Variants in SLC14A2 observed in about 807,000 individuals in gnomAD.
SLC14A2 encodes solute carrier family 14 member 2.
Under a neutral mutation model 104.6 loss-of-function variants are expected in SLC14A2, and 91 were observed. The observed-to-expected ratio is 0.87, with a 90% CI of 0.73 to 1.04. The LOEUF is 1.04. SLC14A2 is among the 50% of genes least tolerant of loss of function. The pLI is 0.00. For missense variants in SLC14A2, 1,189 were observed against 1,156.0 expected, an observed-to-expected ratio of 1.03 and a Z score of -0.41; for synonymous variants, 476 against 466.4, an observed-to-expected ratio of 1.02 and a Z score of -0.27.
At chr18:45,236,568 T>C (rs1481751122) in intron 1 of SLC14A2, among the ~76,000 whole-genome samples, 1 of 129,822 alleles carries the variant, frequency 7.7e-6, no homozygotes, top group Non-Finnish European at 1.6e-5. Context: ...TGTGTATATA[T>C]GTATATATAC....
At chr18:45,246,203 G>T (rs1019991219) in intron 1 of SLC14A2, among the ~76,000 whole-genome samples, 1 of 152,120 alleles carries the variant, frequency 6.6e-6, no homozygotes. Flanking sequence ...GAAAGGCCAC[G>T]TGAGAACACA....
chr18:45,402,796 G>C (rs145563313), intron 1 of SLC14A2, among the ~76,000 whole-genome samples: 1 of 152,318 alleles, frequency 6.6e-6, no homozygotes, highest in African/African-American at 2.4e-5. Flanking sequence ...GATGAATCTA[G>C]AATAGTGAAG....
At chr18:45,666,296 T>C in intron 12 of SLC14A2, 77 bp downstream of exon 12, 1 of 980,496 alleles carries the variant, frequency 1.0e-6, no homozygotes, top group Non-Finnish European at 1.6e-6. Context: ...AGCTGAGAGC[T>C]GTAAACAAGG....
chr18:45,595,389 A>G (rs942351086), intron 2 of SLC14A2, among the ~76,000 whole-genome samples: 4 of 150,792 alleles, frequency 2.7e-5, no homozygotes, highest in African/African-American at 4.9e-5. Context: ...CATGATTTGT[A>G]TTCCCCATTT....
At chr18:45,623,482 C>T (rs922757116) in intron 1 of SLC14A2, among the ~76,000 whole-genome samples, 2 of 152,114 alleles carry the variant, frequency 1.3e-5, no homozygotes, top group East Asian at 1.9e-4. Flanking sequence ...GATGGTATGG[C>T]CATTTGAGAT....
At chr18:45,192,636 G>GTGGTTTTGTTTTGTTTT in the SLC14A2 span, among the ~76,000 whole-genome samples, 3 of 112,752 alleles carry the variant, frequency 2.7e-5, 1 homozygote, top group South Asian at 7.6e-4. Flanking sequence ...GTGTGTGTGT[G>GTGGTTTTGTTTTGTTTT]GTTTTTTTTT....
chr18:45,375,952 C>T (rs2085770013), intron 1 of SLC14A2, among the ~76,000 whole-genome samples: 1 of 152,202 alleles, frequency 6.6e-6, no homozygotes, highest in African/African-American at 2.4e-5. Flanking sequence ...CTGGCCAGGA[C>T]AAGCTGGGAA....
intron 1 of SLC14A2, among the ~76,000 whole-genome samples, chr18:45,426,246 A>C (rs1346316867): frequency 2.0e-5 from 3 of 152,144 alleles, no homozygotes; most frequent in African/African-American, 7.2e-5. Context: ...TACCCGAGTC[A>C]AACTTTCTGT....
At chr18:45,523,954 TAAGA>T (rs749104863) in intron 2 of SLC14A2, among the ~76,000 whole-genome samples, 7 of 152,184 alleles carry the variant, frequency 4.6e-5, no homozygotes, top group Admixed American at 1.3e-4. Context: ...GCAGAAAAAT[TAAGA>T]AAGTTGCCCC....
intron 1 of SLC14A2, among the ~76,000 whole-genome samples, chr18:45,390,895 GAC>G (rs907507075): frequency 1.3e-5 from 2 of 152,248 alleles, no homozygotes; most frequent in African/African-American, 4.8e-5. Flanking sequence ...TTTTAATACA[GAC>G]ACATCATTTT....
chr18:45,613,479 T>C (rs2045006981), upstream of SLC14A2, among the ~76,000 whole-genome samples: 1 of 152,100 alleles, frequency 6.6e-6, no homozygotes, highest in Non-Finnish European at 1.5e-5. Context: ...GGAAGATAGA[T>C]AGAAAGATGT....
chr18:45,632,223 C>A (rs926190075), intron 4 of SLC14A2, 127 bp from the exon 5 acceptor site: 3 of 1,209,396 alleles, frequency 2.5e-6, no homozygotes, highest in Admixed American at 5.1e-5. Context: ...ATTGAGCGAA[C>A]TGACTTTTTT....
chr18:45,280,875 C>T (rs2144141660), intron 1 of SLC14A2, among the ~76,000 whole-genome samples: 1 of 152,286 alleles, frequency 6.6e-6, no homozygotes, highest in East Asian at 1.9e-4. Flanking sequence ...CCACCAGCAT[C>T]CCACCATCCC....
In SLC14A2 at chr18:45,668,334, T is replaced by TC. The variant is rs1327228861; in HGVS notation, c.1908-12dup. The TC allele has an allele frequency of 4.3e-6, 7 of 1,613,572 alleles. No homozygotes were observed. In the African/African-American group the frequency reaches 9.3e-5, roughly 22 times the overall value. On this transcript the variant is annotated splice_polypyrimidine_tract_variant and intron_variant, in intron 14 of 19. Transcript: ENST00000255226. Reference sequence around the variant, plus strand: ...GGGAAGCCCCTGCTCCACCTGACCCTCCCTCTCCTGCCAGGTCGGCCATCG... The same window carrying TC: ...GGGAAGCCCCTGCTCCACCTGACCCTCCCCTCTCCTGCCAGGTCGGCCATCG...
chr18:45,417,897 C>T (rs1236148665), intron 1 of SLC14A2, among the ~76,000 whole-genome samples: 2 of 152,078 alleles, frequency 1.3e-5, no homozygotes, highest in Non-Finnish European at 2.9e-5. Context: ...TCTAGGAAGC[C>T]ACCAATATTG....
chr18:45,568,299 G>A (rs538815241), intron 2 of SLC14A2, among the ~76,000 whole-genome samples: 1 of 152,352 alleles, frequency 6.6e-6, no homozygotes, highest in South Asian at 2.1e-4. Flanking sequence ...AGCTCTATGG[G>A]CACAGCCAGT....
chr18:45,632,062 C>G (rs1189563925), intron 4 of SLC14A2, among the ~76,000 whole-genome samples: 4 of 152,160 alleles, frequency 2.6e-5, no homozygotes, highest in Non-Finnish European at 1.5e-5. Context: ...TCTAAGTCTC[C>G]CCTGATAAAG....
intron 1 of SLC14A2, among the ~76,000 whole-genome samples, chr18:45,274,495 G>A (rs1568130645): frequency 6.6e-6 from 1 of 152,076 alleles, no homozygotes; most frequent in Admixed American, 6.6e-5. Context: ...CTTTCACAAG[G>A]TCCAGGTTTT....
intron 1 of SLC14A2, among the ~76,000 whole-genome samples, chr18:45,213,834 A>G (rs1378267657): frequency 2.0e-5 from 3 of 152,192 alleles, no homozygotes; most frequent in Admixed American, 6.5e-5. Flanking sequence ...GTATCAACCC[A>G]TGATTCTCGC....
Sources: gnomAD v4.1 joint callset for allele counts (sites outside exome capture counted in the v4.1 genomes callset) on GRCh38, gnomAD v4.1.1 for gene constraint, MANE v1.5 for transcripts, NCBI Gene and HGNC (gene_info 2026-07-23, HGNC 2026-07-21) for gene names.